The following TBC1D19 variants were observed in gnomAD, a reference collection of about 807,000 sequenced individuals.
The protein encoded by TBC1D19 is TBC1 domain family member 19, also known as TBC1 domain family, member 19.
TBC1D19 carries 60 observed loss-of-function variants against 89.0 expected under a neutral mutation model. The observed-to-expected ratio is 0.67, with a 90% confidence interval of 0.55 to 0.84. The LOEUF (loss-of-function observed/expected upper bound fraction) is 0.84, where lower values mean the gene tolerates loss of function less well. Among genes scored for constraint, TBC1D19 ranks in the 40% least tolerant of loss-of-function variants. The pLI, the probability that TBC1D19 is intolerant of heterozygous loss-of-function variation, is 0.00. For missense variants in TBC1D19, 500 were observed against 610.8 expected (o/e 0.82, Z 1.91); for synonymous variants, 189 against 199.7 (o/e 0.95, Z 0.45).
chr4:26,625,153 T>A (rs1297854186), intron 4 of TBC1D19, among the ~76,000 whole-genome samples: 1 of 152,140 alleles, frequency 6.6e-6, no homozygotes, highest in Non-Finnish European at 1.5e-5. Context: ...ATCAGCTTCC[T>A]GCAGTTTCTG....
At chr4:26,837,938 A>G in the TBC1D19 span, among the ~76,000 whole-genome samples, 3 of 152,230 alleles carry the variant, frequency 2.0e-5, no homozygotes, top group East Asian at 3.9e-4. Context: ...CCCCTAAAAA[A>G]TGACTGTCAC....
intron 13 of TBC1D19, among the ~76,000 whole-genome samples, chr4:26,692,597 C>T (rs1441877477): frequency 2.0e-5 from 3 of 152,212 alleles, no homozygotes; most frequent in African/African-American, 7.2e-5. Flanking sequence ...AAGCTCTCCT[C>T]AAAGAACTAA....
intron 13 of TBC1D19, among the ~76,000 whole-genome samples, chr4:26,703,513 G>T (rs75191627): frequency 6.6e-6 from 1 of 152,164 alleles, no homozygotes; most frequent in Non-Finnish European, 1.5e-5. Context: ...AATTGTCAAT[G>T]TATAGCAAAT....
intron 15 of TBC1D19, among the ~76,000 whole-genome samples, chr4:26,733,549 G>A (rs1204729685): frequency 6.6e-6 from 1 of 152,042 alleles, no homozygotes; most frequent in Non-Finnish European, 1.5e-5. Context: ...TGCCCTTATC[G>A]CAACAGGTTG....
chr4:26,803,123 C>T, the TBC1D19 span, among the ~76,000 whole-genome samples: 5 of 152,192 alleles, frequency 3.3e-5, no homozygotes, highest in East Asian at 9.6e-4. Context: ...CATGCCATCC[C>T]TAACAGTGCA....
chr4:26,735,063 T>TAC (rs1264876909), intron 15 of TBC1D19, among the ~76,000 whole-genome samples: 1 of 151,188 alleles, frequency 6.6e-6, no homozygotes, highest in Non-Finnish European at 1.5e-5. Flanking sequence ...TATATATGTA[T>TAC]ATATGTATAC....
the TBC1D19 span, among the ~76,000 whole-genome samples, chr4:26,778,361 A>T: frequency 6.6e-6 from 1 of 150,976 alleles, no homozygotes; most frequent in Non-Finnish European, 1.5e-5. Flanking sequence ...GCTTGCAGTG[A>T]GCCAAGATCG....
rs117587322 is a variant in TBC1D19, at chr4:26,665,028, G to A, written c.592-1305G>A. On this transcript the variant is annotated intron_variant, in intron 8 of 20. Coordinates refer to ENST00000264866, the MANE Select transcript of TBC1D19 (RefSeq NM_018317.4). ...CTGTTGGGGAGGTTGGCCGACGATCGCTCTAACTGCTTCCTGCTGAACTGG... is the reference window on the plus strand; with the variant it reads ...CTGTTGGGGAGGTTGGCCGACGATCACTCTAACTGCTTCCTGCTGAACTGG... Among the ~76,000 whole-genome samples, 712 of 152,070 alleles carry A rather than the reference G, an allele frequency of 4.7e-3. 13 individuals carry two copies. The East Asian group carries it at 0.065, about 14-fold the overall frequency.
the TBC1D19 span, among the ~76,000 whole-genome samples, chr4:26,799,745 T>G: frequency 2.6e-5 from 4 of 152,176 alleles, no homozygotes; most frequent in Non-Finnish European, 4.4e-5. Context: ...GGCATCTTAG[T>G]TTTGCACTTT....
At chr4:26,672,517 A>T (rs974501208) in intron 10 of TBC1D19, among the ~76,000 whole-genome samples, 1 of 151,976 alleles carries the variant, frequency 6.6e-6, no homozygotes, top group African/African-American at 2.4e-5. Context: ...TCTGTCTTTG[A>T]TGCACCCACA....
intron 6 of TBC1D19, among the ~76,000 whole-genome samples, chr4:26,639,290 A>C (rs1464145265): frequency 6.6e-6 from 1 of 151,990 alleles, no homozygotes; most frequent in Non-Finnish European, 1.5e-5. Context: ...GGCCTCAAGT[A>C]ATCCTCCCAT....
the TBC1D19 span, among the ~76,000 whole-genome samples, chr4:26,856,516 T>C: frequency 6.6e-6 from 1 of 152,218 alleles, no homozygotes; most frequent in African/African-American, 2.4e-5. Context: ...CTGGATCATA[T>C]GATAATTCTA....
intron 18 of TBC1D19, among the ~76,000 whole-genome samples, chr4:26,745,210 CT>C: frequency 1.3e-5 from 2 of 151,814 alleles, no homozygotes; most frequent in Middle Eastern, 6.8e-3. Flanking sequence ...TTATCAATAT[CT>C]TTTTTTAAGT....
At chr4:26,590,823 T>G (rs1317826144) in intron 1 of TBC1D19, among the ~76,000 whole-genome samples, 8 of 137,764 alleles carry the variant, frequency 5.8e-5, no homozygotes, top group Non-Finnish European at 1.1e-4. Flanking sequence ...TTTTTTTTTT[T>G]TTTTGTGAGT....
At chr4:26,760,704 A>C (rs1275994271), downstream of TBC1D19, among the ~76,000 whole-genome samples, 1 of 152,144 alleles carries the variant, frequency 6.6e-6, no homozygotes, top group African/African-American at 2.4e-5. Context: ...CTGTCTTTTA[A>C]AGAGAAAAAG....
chr4:26,652,334 A>C (rs967936743), intron 7 of TBC1D19, among the ~76,000 whole-genome samples: 3 of 152,146 alleles, frequency 2.0e-5, no homozygotes, highest in African/African-American at 7.2e-5. Flanking sequence ...CTGTGAATCC[A>C]TCTGGTCCTG....
At chr4:26,627,849 TGATGGTAG>T (rs1295262626) in intron 4 of TBC1D19, among the ~76,000 whole-genome samples, 1 of 151,982 alleles carries the variant, frequency 6.6e-6, no homozygotes, top group Non-Finnish European at 1.5e-5. Flanking sequence ...CTGTTCACTC[TGATGGTAG>T]TTTCTTTTGC....
At chr4:26,605,160 G>A (rs1740905350) in intron 1 of TBC1D19, among the ~76,000 whole-genome samples, 3 of 149,770 alleles carry the variant, frequency 2.0e-5, no homozygotes, top group South Asian at 2.1e-4. Flanking sequence ...CCATTAACTC[G>A]TCATTTAGCA....
the TBC1D19 span, among the ~76,000 whole-genome samples, chr4:26,855,261 T>C: frequency 3.3e-5 from 5 of 152,250 alleles, no homozygotes; most frequent in African/African-American, 4.8e-5. Context: ...CATATGGCCC[T>C]GTAAAGACTT....
Sources: gnomAD v4.1 joint callset for allele counts (sites outside exome capture counted in the v4.1 genomes callset) on GRCh38, gnomAD v4.1.1 for gene constraint, MANE v1.5 for transcripts, NCBI Gene and HGNC (gene_info 2026-07-23, HGNC 2026-07-21) for gene names.